KDM4C: variants seen among roughly 807,000 people sequenced by gnomAD.
KDM4C encodes the protein lysine demethylase 4C.
In KDM4C, 81 loss-of-function variants were observed where a neutral mutation model predicts 129.3. That is an observed-to-expected ratio of 0.63 (90% CI 0.52 to 0.75). The LOEUF is 0.75. Among genes scored for constraint, KDM4C ranks in the 30% least tolerant of loss-of-function variants. The probability of loss-of-function intolerance (pLI) is 0.00; values close to 1 mark genes in which losing one functional copy is unlikely to be tolerated. For missense variants in KDM4C, 1,457 were observed against 1,304.0 expected (o/e 1.12, Z -1.81); for synonymous variants, 573 against 456.1 (o/e 1.26, Z -3.26).
chr9:7,117,567 T>G (rs972865669), intron 18 of KDM4C, among the ~76,000 whole-genome samples: 2 of 151,988 alleles, frequency 1.3e-5, no homozygotes, highest in Non-Finnish European at 2.9e-5. Context: ...CAACATTGCT[T>G]TGAGTATTTT....
intron 15 of KDM4C, among the ~76,000 whole-genome samples, chr9:7,033,012 G>A (rs74991204): frequency 0.017 from 2,530 of 152,162 alleles, 79 homozygotes; most frequent in African/African-American, 0.058. Context: ...CAACAGCATT[G>A]GCATTTTTCT....
intron 8 of KDM4C, among the ~76,000 whole-genome samples, chr9:6,944,491 G>T (rs951748201): frequency 6.6e-6 from 1 of 152,030 alleles, no homozygotes; most frequent in African/African-American, 2.4e-5. Context: ...ACCTAAATTA[G>T]GGTATGATCA....
intron 20 of KDM4C, among the ~76,000 whole-genome samples, chr9:7,166,092 A>T (rs1316607266): frequency 6.6e-6 from 1 of 152,242 alleles, no homozygotes; most frequent in African/African-American, 2.4e-5. Flanking sequence ...TAGAGCCAAT[A>T]CATTGTAGAA....
chr9:7,048,054 G>T (rs987043089), intron 16 of KDM4C, among the ~76,000 whole-genome samples: 5 of 152,046 alleles, frequency 3.3e-5, no homozygotes, highest in South Asian at 4.1e-4. Context: ...ATTTTTGAAA[G>T]AAGATGTTCT....
intron 15 of KDM4C, among the ~76,000 whole-genome samples, chr9:7,021,112 A>ATG (rs1491504010): frequency 1.9e-4 from 24 of 128,110 alleles, no homozygotes; most frequent in Non-Finnish European, 2.9e-4. Flanking sequence ...TTGTACATAC[A>ATG]TATATATATG....
intron 18 of KDM4C, among the ~76,000 whole-genome samples, chr9:7,110,294 T>G (rs947782503): frequency 1.3e-5 from 2 of 152,236 alleles, no homozygotes; most frequent in African/African-American, 4.8e-5. Context: ...ATGTTTTGTT[T>G]CATTTGAGTG....
chr9:6,804,842 C>T (rs751996597), intron 2 of KDM4C, among the ~76,000 whole-genome samples: 1 of 151,870 alleles, frequency 6.6e-6, no homozygotes, highest in African/African-American at 2.4e-5. Context: ...GTACTTAGAT[C>T]ATATTCAATA....
intron 4 of KDM4C, among the ~76,000 whole-genome samples, chr9:6,819,899 C>T (rs1564086867): frequency 6.6e-6 from 1 of 152,112 alleles, no homozygotes; most frequent in African/African-American, 2.4e-5. Context: ...TCTCGTGGTT[C>T]ATGGCATTAT....
intron 12 of KDM4C, among the ~76,000 whole-genome samples, chr9:7,008,732 A>G (rs2890733): frequency 0.52 from 78,785 of 152,056 alleles, 21,727 homozygotes; most frequent in Non-Finnish European, 0.62. Context: ...CAGTTCTTAC[A>G]TGGTGGACTT....
At chr9:6,957,602 CGTG>C (rs1338185971) in intron 8 of KDM4C, among the ~76,000 whole-genome samples, 2 of 152,018 alleles carry the variant, frequency 1.3e-5, no homozygotes, top group African/African-American at 2.4e-5. Context: ...AGAGATCAAA[CGTG>C]GAGGCTGCTG....
At chr9:7,143,774 T>C (rs1841978471) in intron 19 of KDM4C, among the ~76,000 whole-genome samples, 1 of 152,242 alleles carries the variant, frequency 6.6e-6, no homozygotes, top group Non-Finnish European at 1.5e-5. Flanking sequence ...AATAGATTGA[T>C]TCATTATCCA....
chr9:6,993,856 A>G (rs893040911), intron 12 of KDM4C, among the ~76,000 whole-genome samples: 2 of 152,132 alleles, frequency 1.3e-5, no homozygotes, highest in South Asian at 4.1e-4. Context: ...TAAATGCTCA[A>G]TTTCTTTGTG....
chr9:7,036,522 T>C (rs912354889), intron 15 of KDM4C, among the ~76,000 whole-genome samples: 1 of 152,188 alleles, frequency 6.6e-6, no homozygotes, highest in African/African-American at 2.4e-5. Context: ...TTTCATAGCA[T>C]TGTAAACAAA....
chr9:6,826,536 A>G (rs1454866097), intron 4 of KDM4C, among the ~76,000 whole-genome samples: 2 of 152,148 alleles, frequency 1.3e-5, no homozygotes, highest in Non-Finnish European at 2.9e-5. Context: ...ATGCTTTCCC[A>G]TGATGATAGA....
At chr9:6,962,414 A>C (rs774525399) in intron 8 of KDM4C, among the ~76,000 whole-genome samples, 2 of 152,246 alleles carry the variant, frequency 1.3e-5, no homozygotes, top group Non-Finnish European at 2.9e-5. Flanking sequence ...AGATGAGTTA[A>C]GGATAATTGC....
At chr9:6,807,249 C>T (rs967990962) in intron 3 of KDM4C, among the ~76,000 whole-genome samples, 3 of 152,104 alleles carry the variant, frequency 2.0e-5, no homozygotes, top group African/African-American at 7.3e-5. Flanking sequence ...AACCTCCCAG[C>T]CGCCTGCCTT....
intron 8 of KDM4C, among the ~76,000 whole-genome samples, chr9:6,921,653 CT>C (rs2131208845): frequency 6.6e-6 from 1 of 152,320 alleles, no homozygotes; most frequent in East Asian, 1.9e-4. Context: ...AGCATGACAG[CT>C]TTAAAACCAT....
chr9:6,793,408 G>GA (rs1262488595), intron 2 of KDM4C, among the ~76,000 whole-genome samples: 4 of 151,714 alleles, frequency 2.6e-5, no homozygotes, highest in Non-Finnish European at 5.9e-5. Flanking sequence ...TCCATGTATG[G>GA]GTTTCAGAGG....
intron 4 of KDM4C, among the ~76,000 whole-genome samples, chr9:6,817,195 GC>G (rs35527694): frequency 0.14 from 7,472 of 53,300 alleles, 214 homozygotes; most frequent in African/African-American, 0.17. Context: ...CCCTCCCCCT[GC>G]CCCCCCCCCC....
Sources: allele counts gnomAD v4.1 joint callset (sites outside exome capture counted in the v4.1 genomes callset), GRCh38; gene constraint gnomAD v4.1.1; transcripts MANE v1.5; gene names NCBI Gene and HGNC (gene_info 2026-07-23, HGNC 2026-07-21).